TOPBP1: variants seen among roughly 807,000 people sequenced by gnomAD.
TOPBP1 encodes the protein DNA topoisomerase 2-binding protein 1.
TOPBP1 carries 28 observed loss-of-function variants against 167.7 expected under a neutral mutation model. The observed-to-expected ratio is 0.17, with a 90% confidence interval of 0.12 to 0.23. The LOEUF (loss-of-function observed/expected upper bound fraction) is 0.23, where lower values mean the gene tolerates loss of function less well. TOPBP1 is among the 10% of genes least tolerant of loss of function. The probability of loss-of-function intolerance (pLI) is 1.00; values close to 1 mark genes in which losing one functional copy is unlikely to be tolerated. For missense variants in TOPBP1, 1,554 were observed against 1,809.6 expected (o/e 0.86, Z 2.56); for synonymous variants, 598 against 611.4 (o/e 0.98, Z 0.32).
rs1340103311 is a variant in TOPBP1, at chr3:133,658,994, T to C, written c.219+22A>G. On this transcript the variant is annotated intron_variant, in intron 3 of 27. Transcript: ENST00000260810. ...AAACCAAAAAATAGACTACCAAAGG[T>C]ACACACTAGAAGTCAGCAAACCTTT... The C allele has an allele frequency of 1.9e-6, 3 of 1,577,360 alleles. No individual in the cohort carries two copies. The South Asian group carries it at 3.6e-5, about 19-fold the overall frequency.
chr3:133,623,052 C>A, intron 19 of TOPBP1, 39 bp downstream of exon 19: 1 of 1,342,644 alleles, frequency 7.4e-7, no homozygotes, highest in Non-Finnish European at 1.0e-6. Flanking sequence ...GACCTTGTCT[C>A]AAAAAAAATT....
chr3:133,644,301 C>A lies in TOPBP1; in HGVS notation c.1567G>T (p.Asp523Tyr). 1 of 1,612,644 alleles carries A rather than the reference C, an allele frequency of 6.2e-7. No individual in the cohort carries two copies. Among genetic ancestry groups the A allele is most frequent in the Non-Finnish European group, 8.5e-7 (1 of 1,179,232 alleles). ...NDSTHAEPLN[D>Y]STHISLQEEN... is the part of the protein sequence containing the mutation. ...TCTTGCAAAGAAATGTGAGTAGAAT[C>A]ATTCAAGGGCTCAGCATGAGTAGAA... The change falls in exon 11 of 28, where the codon GAT becomes TAT. Residue 523 changes from aspartate to tyrosine, a missense_variant. Physicochemically the swap from Asp to Tyr is radical, Grantham distance 160. Coordinates refer to ENST00000260810, the MANE Select transcript of TOPBP1 (RefSeq NM_007027.4).
intron 14 of TOPBP1, among the ~76,000 whole-genome samples, chr3:133,631,944 C>G (rs1436481854): frequency 1.3e-5 from 2 of 151,846 alleles, no homozygotes; most frequent in Non-Finnish European, 2.9e-5. Flanking sequence ...GGCTGATATC[C>G]AGTTGTTTAA....
intron 19 of TOPBP1, among the ~76,000 whole-genome samples, 156 bp downstream of exon 19, chr3:133,622,935 T>G (rs1327227525): frequency 6.6e-6 from 1 of 152,114 alleles, no homozygotes; most frequent in Non-Finnish European, 1.5e-5. Flanking sequence ...TTTAAACATA[T>G]TTTACAGCTG....
intron 24 of TOPBP1, 91 bp downstream of exon 24, chr3:133,612,298 C>T (rs1934708881): frequency 1.1e-5 from 17 of 1,500,318 alleles, no homozygotes; most frequent in Middle Eastern, 4.2e-4. Context: ...CCTCGGCCTC[C>T]CAAAGTGCTA....
intron 8 of TOPBP1, among the ~76,000 whole-genome samples, chr3:133,650,560 A>C (rs1213794979): frequency 6.6e-6 from 1 of 152,146 alleles, no homozygotes; most frequent in African/African-American, 2.4e-5. Flanking sequence ...GCAGTAATTT[A>C]TTTTTAGCTA....
At chr3:133,645,516 T>A (rs1333426888) in intron 10 of TOPBP1, among the ~76,000 whole-genome samples, 1 of 152,294 alleles carries the variant, frequency 6.6e-6, no homozygotes, top group East Asian at 1.9e-4. Context: ...AAATGTAAAG[T>A]TTGTTTTATA....
chr3:133,639,248 T>C (rs1000534099), intron 13 of TOPBP1, among the ~76,000 whole-genome samples: 6 of 152,148 alleles, frequency 3.9e-5, no homozygotes, highest in African/African-American at 1.4e-4. Context: ...TAAGAAAATG[T>C]GGCACATATA....
rs1371974361 is a variant in TOPBP1 at position 133,608,627 on chromosome 3, T to G, written c.4333A>C (p.Lys1445Gln). The G allele has an allele frequency of 4.3e-6, 7 of 1,613,684 alleles. No homozygotes were observed. In the South Asian group the frequency reaches 5.5e-5, roughly 13 times the overall value. ...ATATTAACTCCTGAGTCATCTGGTT[T>G]CAGTTTATTCAAGTCAGAAAAAAGA... is the stretch of plus-strand genomic sequence containing the variant. ...THLFSDLNKL[K>Q]PDDSGVNIAE... Residue 1445 changes from lysine (K) to glutamine (Q), a missense_variant, in exon 27 of 28, where the codon AAA becomes CAA. Lys to Gln is a moderately conservative substitution (Grantham distance 53, BLOSUM62 1). This residue lies in a region of TOPBP1 where 351 missense variants were observed against 432.9 expected (regional missense o/e 0.81). Transcript: ENST00000260810.
Position 133,623,178 on chromosome 3 carries a change from A to C in TOPBP1, c.3091T>G (p.Leu1031Val). The C allele has an allele frequency of 6.2e-7, 1 of 1,612,126 alleles. No individual in the cohort carries two copies. The highest frequency in any genetic ancestry group is 8.5e-7 in the Non-Finnish European group (1 of 1,178,998). ...TKDDEPDPLI[L>V]EENDVDNMAT... is the part of the protein sequence containing the mutation. ...ATATTGTCTACATCATTTTCTTCTA[A>C]AATCAAAGGATCTGGCTATTGAAAA... is the stretch of plus-strand genomic sequence containing the variant. The change falls in exon 19 of 28, where the codon TTA becomes GTA. Residue 1031 changes from leucine to valine, a missense_variant. Physicochemically the swap from Leu to Val is conservative, Grantham distance 32. This residue lies in a region of TOPBP1 where 1,197 missense variants were observed against 1,351.5 expected (regional missense o/e 0.89). Coordinates refer to ENST00000260810, the MANE Select transcript of TOPBP1 (RefSeq NM_007027.4).
chr3:133,612,292 G>C, intron 24 of TOPBP1, 97 bp downstream of exon 24: 1 of 1,415,364 alleles, frequency 7.1e-7, no homozygotes, highest in Non-Finnish European at 9.7e-7. Context: ...CACCCACCTC[G>C]GCCTCCCAAA....
intron 14 of TOPBP1, among the ~76,000 whole-genome samples, chr3:133,636,043 T>C (rs1446320038): frequency 6.7e-6 from 1 of 148,608 alleles, no homozygotes; most frequent in Non-Finnish European, 1.5e-5. Flanking sequence ...TGATTCCACA[T>C]ATTTAAAAGT....
Position 133,638,182 on chromosome 3 carries a change from A to G in TOPBP1, c.2234-20T>C. On this transcript the variant is annotated intron_variant, in intron 13 of 27. Transcript: ENST00000260810. ...TTCGTTCTAGAGATTTAAAATGAAA[A>G]GAAACAAATATGAGCCACTAATGCC... 6.2e-7 allele frequency: 1 copy of G among 1,608,210 alleles called. No individual in the cohort carries two copies. The highest frequency in any genetic ancestry group is 8.5e-7 in the Non-Finnish European group (1 of 1,175,806).
chr3:133,618,115 A>G (rs1004275374), intron 21 of TOPBP1, 98 bp downstream of exon 21: 2 of 996,370 alleles, frequency 2.0e-6, no homozygotes, highest in Non-Finnish European at 2.9e-6. Context: ...TTTTGTTTGC[A>G]CATTCAGATC....
chr3:133,623,576 C>A, intron 17 of TOPBP1, 119 bp from the exon 18 acceptor site: 2 of 1,219,812 alleles, frequency 1.6e-6, no homozygotes, highest in Non-Finnish European at 1.1e-6. Flanking sequence ...GTTCACAAAA[C>A]TGGTTTGAAA....
rs772241585 is a variant in TOPBP1 at position 133,652,495 on chromosome 3, G to C, written c.1057C>G (p.Gln353Glu). The change falls in exon 8 of 28, where the codon CAA (glutamine) becomes GAA (glutamate). Residue 353 changes from glutamine (Q) to glutamate (E), a missense_variant. By Grantham distance (29) the Gln-to-Glu change is conservative. Around this residue, in one of 3 missense-constraint regions of TOPBP1, gnomAD observed 1,197 missense variants for 1,351.5 expected, o/e 0.89. Transcript: ENST00000260810. ...NLENLDVSAF[Q>E]APEDLLDGCR... ...CCATCTAATAAATCTTCAGGTGCTT[G>C]AAATGCACTGACATCCAGATTTTCT... is the stretch of plus-strand genomic sequence containing the variant. 2.5e-6 allele frequency: 4 copies of C among 1,611,772 alleles called. No homozygotes were observed. In the Admixed American group the frequency reaches 6.7e-5, roughly 27 times the overall value.
At position 133,643,234 on chromosome 3, in the gene TOPBP1, A is replaced by G. The variant is rs1335184650; in HGVS notation, c.1987T>C (p.Ser663Pro). The G allele has an allele frequency of 1.9e-6, 3 of 1,604,852 alleles. No homozygotes were observed. The highest frequency in any genetic ancestry group is 2.5e-6 in the Non-Finnish European group (3 of 1,176,976). The change falls in exon 12 of 28, where the codon TCT (serine) becomes CCT (proline). Residue 663 changes from serine to proline, a missense_variant. Around this residue, in one of 3 missense-constraint regions of TOPBP1, gnomAD observed 1,197 missense variants for 1,351.5 expected, o/e 0.89. Transcript: ENST00000260810. ...FSQCAGAEKESLTFLANLLGA... is the reference protein window; with the variant it reads ...FSQCAGAEKEPLTFLANLLGA... Reference sequence around the variant, plus strand: ...AGGAGGTTTGCTAGGAATGTTAAAGACTCTTTTTCTGCTCCAGCACACTGG... The same window carrying G: ...AGGAGGTTTGCTAGGAATGTTAAAGGCTCTTTTTCTGCTCCAGCACACTGG...
At chr3:133,646,457 C>T (rs1356491224) in intron 10 of TOPBP1, among the ~76,000 whole-genome samples, 1 of 151,932 alleles carries the variant, frequency 6.6e-6, no homozygotes, top group East Asian at 1.9e-4. Context: ...TTGAGACCAA[C>T]CTGGCCAACA....
chr3:133,634,419 G>A (rs1405706314), intron 14 of TOPBP1, among the ~76,000 whole-genome samples: 1 of 152,158 alleles, frequency 6.6e-6, no homozygotes, highest in Non-Finnish European at 1.5e-5. Context: ...TGAGGCAGGA[G>A]AATCGCTTGA....
Sources: allele counts gnomAD v4.1 joint callset (sites outside exome capture counted in the v4.1 genomes callset), GRCh38; gene constraint gnomAD v4.1.1; regional missense constraint gnomAD v4.1.1; transcripts MANE v1.5; gene names NCBI Gene and HGNC (gene_info 2026-07-23, HGNC 2026-07-21).